FAM114A1: variants seen among roughly 807,000 people sequenced by gnomAD.
FAM114A1 encodes family with sequence similarity 114 member A1, also known as protein NOXP20.
Under a neutral mutation model 64.3 loss-of-function variants are expected in FAM114A1, and 62 were observed. That is an observed-to-expected ratio of 0.96 (90% CI 0.79 to 1.19). The LOEUF (loss-of-function observed/expected upper bound fraction) is 1.19, where lower values mean the gene tolerates loss of function less well. FAM114A1 is among the 50% of genes most tolerant of loss of function. The pLI is 0.00. For synonymous variants in FAM114A1, 254 were observed against 251.1 expected, an observed-to-expected ratio of 1.01 and a Z score of -0.11; for missense variants, 645 against 676.3, an observed-to-expected ratio of 0.95 and a Z score of 0.51.
intron 3 of FAM114A1, among the ~76,000 whole-genome samples, chr4:38,886,726 A>C (rs1248890891): frequency 6.6e-6 from 1 of 151,406 alleles, no homozygotes; most frequent in Non-Finnish European, 1.5e-5. Flanking sequence ...TCAGGAGTTC[A>C]AGACCAGCCT....
chr4:38,920,514 A>G (rs1355197062), intron 8 of FAM114A1, among the ~76,000 whole-genome samples: 1 of 152,214 alleles, frequency 6.6e-6, no homozygotes, highest in Non-Finnish European at 1.5e-5. Flanking sequence ...GAGATGCTAT[A>G]GTGGAAAGAT....
At chr4:38,880,107 G>A (rs4008373) in intron 3 of FAM114A1, among the ~76,000 whole-genome samples, 11,796 of 126,106 alleles carry the variant, frequency 0.094, 836 homozygotes, top group African/African-American at 0.11. Context: ...ATAAAATAGA[G>A]TAGAATAGAA....
chr4:38,896,121 G>A (rs1198575580), intron 4 of FAM114A1, among the ~76,000 whole-genome samples: 2 of 152,212 alleles, frequency 1.3e-5, no homozygotes, highest in East Asian at 3.9e-4. Flanking sequence ...CATACAAAAT[G>A]GCAAAGGGTA....
At chr4:38,925,116 A>G (rs1719985706) in intron 9 of FAM114A1, among the ~76,000 whole-genome samples, 1 of 152,220 alleles carries the variant, frequency 6.6e-6, no homozygotes, top group African/African-American at 2.4e-5. Flanking sequence ...ACACATTCAC[A>G]TATACACATA....
intron 9 of FAM114A1, among the ~76,000 whole-genome samples, chr4:38,928,187 G>C (rs1485326206): frequency 6.6e-6 from 1 of 152,142 alleles, no homozygotes; most frequent in Admixed American, 6.5e-5. Context: ...TTCTCACATG[G>C]CTTAGTCCCC....
At chr4:38,905,230 C>A (rs1332093319) in intron 4 of FAM114A1, among the ~76,000 whole-genome samples, 1 of 152,060 alleles carries the variant, frequency 6.6e-6, no homozygotes, top group Non-Finnish European at 1.5e-5. Flanking sequence ...GAAACCTAGT[C>A]TCCACTAAAG....
intron 3 of FAM114A1, among the ~76,000 whole-genome samples, chr4:38,883,413 A>C (rs1294745411): frequency 6.6e-6 from 1 of 152,216 alleles, no homozygotes; most frequent in Admixed American, 6.5e-5. Flanking sequence ...TATACTAGCC[A>C]GTCAACCCTT....
chr4:38,874,328 C>T (rs896039126), intron 2 of FAM114A1, among the ~76,000 whole-genome samples: 3 of 152,110 alleles, frequency 2.0e-5, no homozygotes, highest in Admixed American at 1.3e-4. Context: ...AGGGTGAAAG[C>T]GTGGTAAATG....
At chr4:38,930,760 C>T (rs987653483) in intron 10 of FAM114A1, among the ~76,000 whole-genome samples, 5 of 152,190 alleles carry the variant, frequency 3.3e-5, no homozygotes, top group African/African-American at 7.2e-5. Flanking sequence ...TCTGCCCCTT[C>T]GTTCTAAATT....
At chr4:38,892,369 T>C (rs1041138713) in intron 4 of FAM114A1, among the ~76,000 whole-genome samples, 12 of 152,228 alleles carry the variant, frequency 7.9e-5, no homozygotes, top group African/African-American at 2.7e-4. Context: ...TAATTGAGTA[T>C]TGACCTCAAC....
At chr4:38,908,037 T>G (rs1011820476) in intron 6 of FAM114A1, among the ~76,000 whole-genome samples, 1 of 152,190 alleles carries the variant, frequency 6.6e-6, no homozygotes, top group Non-Finnish European at 1.5e-5. Flanking sequence ...ATATACTAAT[T>G]ATAGGCAGTT....
intron 14 of FAM114A1, among the ~76,000 whole-genome samples, chr4:38,942,813 TTTTGTGTTA>T (rs374490305): frequency 4.1e-4 from 62 of 152,294 alleles, no homozygotes; most frequent in African/African-American, 1.4e-3. Context: ...CATACAGTGT[TTTTGTGTTA>T]TTTCAGGGCA....
At position 38,915,020 on chromosome 4, in the gene FAM114A1, G is replaced by C; in HGVS notation, c.892G>C (p.Gly298Arg). The change falls in exon 8 of 15, where the codon GGC becomes CGC. Residue 298 changes from glycine (G) to arginine (R), a missense_variant. Physicochemically the swap from Gly to Arg is moderately radical, Grantham distance 125. Coordinates refer to ENST00000358869, the MANE Select transcript of FAM114A1 (RefSeq NM_138389.4). ...CGGGATGCTGTTTGATGAATATCAA[G>C]GCTTGTCACACCTGGAAGCCCTGGA... Reference protein sequence around the residue: ...HYGMLFDEYQGLSHLEALEIL... With the variant: ...HYGMLFDEYQRLSHLEALEIL... 1 of 1,614,204 alleles carries C rather than the reference G, an allele frequency of 6.2e-7. No homozygotes were observed. The highest frequency in any genetic ancestry group is 8.5e-7 in the Non-Finnish European group (1 of 1,180,032).
At chr4:38,918,277 G>GT (rs990814558) in intron 8 of FAM114A1, among the ~76,000 whole-genome samples, 1 of 152,114 alleles carries the variant, frequency 6.6e-6, no homozygotes, top group African/African-American at 2.4e-5. Flanking sequence ...GTCAAAAACA[G>GT]TAAGAGTTAT....
At chr4:38,920,475 A>T (rs999299843) in intron 8 of FAM114A1, among the ~76,000 whole-genome samples, 1 of 152,214 alleles carries the variant, frequency 6.6e-6, no homozygotes, top group African/African-American at 2.4e-5. Context: ...TGGCCTTGGC[A>T]TAATGCAATG....
chr4:38,894,997 G>GT (rs1042170785), intron 4 of FAM114A1, among the ~76,000 whole-genome samples: 29 of 152,260 alleles, frequency 1.9e-4, no homozygotes, highest in African/African-American at 6.7e-4. Context: ...CCCTGGGGTT[G>GT]ACACTATGCT....
Position 38,940,996 on chromosome 4 carries a change from C to A in FAM114A1, c.1565C>A (p.Pro522His), listed in dbSNP as rs1428464628. The A allele has an allele frequency of 6.2e-7, 1 of 1,613,970 alleles. No homozygotes were observed. The highest frequency in any genetic ancestry group is 8.5e-7 in the Non-Finnish European group (1 of 1,180,002). Residue 522 changes from proline (P) to histidine (H), a missense_variant, in exon 14 of 15, where the codon CCC becomes CAC. Transcript: ENST00000358869. ...AACAAGAAGGCCGAGGTCCTTAACCCCATGATCAGTAGTGTATTGTTAGAG... is the reference window on the plus strand; with the variant it reads ...AACAAGAAGGCCGAGGTCCTTAACCACATGATCAGTAGTGTATTGTTAGAG... Reference protein sequence around the residue: ...GSNKKAEVLNPMISSVLLEGC... With the variant: ...GSNKKAEVLNHMISSVLLEGC...
chr4:38,874,138 T>A (rs1435669767), intron 2 of FAM114A1, among the ~76,000 whole-genome samples: 1 of 152,178 alleles, frequency 6.6e-6, no homozygotes, highest in Admixed American at 6.5e-5. Flanking sequence ...AGTCTCAAAG[T>A]CAGACACGGG....
chr4:38,922,768 A>G lies in FAM114A1; in HGVS notation c.946-2A>G. 6.2e-7 allele frequency: 1 copy of G among 1,606,682 alleles called. No homozygotes were observed. The highest frequency in any genetic ancestry group is 1.1e-5 in the South Asian group (1 of 89,228). ...GTCGTGCTGACCTATTTCTTTTTTC[A>G]GGTTCAGTCATTTTTAGCATCACTT... On this transcript the variant is annotated splice_acceptor_variant, in intron 8 of 14. Transcript: ENST00000358869. LOFTEE classifies it high-confidence loss of function.
Sources: gnomAD v4.1 joint callset for allele counts (sites outside exome capture counted in the v4.1 genomes callset) on GRCh38, gnomAD v4.1.1 for gene constraint, MANE v1.5 for transcripts, NCBI Gene and HGNC (gene_info 2026-07-23, HGNC 2026-07-21) for gene names.